Variants in XYLB observed in about 807,000 individuals in gnomAD.
XYLB encodes xylulose kinase.
In XYLB, 62 loss-of-function variants were observed where a neutral mutation model predicts 78.7. The ratio of observed to expected loss-of-function variants is 0.79; its 90% CI spans 0.64 to 0.97. The LOEUF is 0.97. Ranked by LOEUF, XYLB falls within the 50% of genes least tolerant of loss-of-function variation. The pLI is 0.00. For synonymous variants in XYLB, 245 were observed against 247.4 expected (o/e 0.99, Z 0.09); for missense variants, 687 against 676.8 (o/e 1.02, Z -0.17).
chr3:38,424,531 C>T (rs1006918482), downstream of XYLB, among the ~76,000 whole-genome samples: 7 of 152,106 alleles, frequency 4.6e-5, no homozygotes, highest in Admixed American at 6.6e-5. Context: ...TAAATTTAAA[C>T]GAATTGAAGG....
rs577157133 is a variant in XYLB at position 38,408,180 on chromosome 3, C to G, written c.1534-4756C>G. On this transcript the variant is annotated intron_variant, in intron 18 of 18. Transcript: ENST00000207870. ...GTAAAAGAACAGAAATTATAACAAA[C>G]TGTCTCTCAGACCACAGTGCAATCA... 7.9e-5 allele frequency among the ~76,000 whole-genome samples: 12 copies of G among 152,072 alleles called. No individual in the cohort carries two copies. The East Asian group carries it at 2.1e-3, about 27-fold the overall frequency.
chr3:38,362,082 C>T (rs1706006051), intron 3 of XYLB, among the ~76,000 whole-genome samples: 1 of 152,202 alleles, frequency 6.6e-6, no homozygotes, highest in African/African-American at 2.4e-5. Flanking sequence ...CTATCCACTC[C>T]CTCCAGCCTC....
intron 3 of XYLB, among the ~76,000 whole-genome samples, chr3:38,361,159 T>C (rs1185748415): frequency 6.6e-6 from 1 of 152,176 alleles, no homozygotes; most frequent in Admixed American, 6.5e-5. Context: ...CAGACTCATA[T>C]CAATGCCAAG....
chr3:38,435,183 G>A, the XYLB span, among the ~76,000 whole-genome samples: 1 of 152,120 alleles, frequency 6.6e-6, no homozygotes, highest in African/African-American at 2.4e-5. Flanking sequence ...TTGCTTACAG[G>A]AAATTCACCT....
At chr3:38,376,852 C>T in intron 13 of XYLB, 66 bp from the exon 14 acceptor site, 1 of 1,428,270 alleles carries the variant, frequency 7.0e-7, no homozygotes, top group East Asian at 2.3e-5. Context: ...TGTTCTAAGT[C>T]TGTTAAGAAG....
intron 15 of XYLB, among the ~76,000 whole-genome samples, chr3:38,394,110 T>C (rs1386256327): frequency 2.0e-5 from 3 of 152,204 alleles, no homozygotes; most frequent in African/African-American, 7.2e-5. Flanking sequence ...ATACATTAAT[T>C]GGAAAAGATT....
At chr3:38,439,460 T>C in the XYLB span, among the ~76,000 whole-genome samples, 1 of 152,100 alleles carries the variant, frequency 6.6e-6, no homozygotes, top group African/African-American at 2.4e-5. Flanking sequence ...CTCCAGAGGT[T>C]GGTATAAGAG....
chr3:38,375,973 A>C (rs902031900), intron 12 of XYLB, 144 bp from the exon 13 acceptor site: 5 of 667,296 alleles, frequency 7.5e-6, no homozygotes, highest in Non-Finnish European at 1.3e-5. Context: ...TCCGATACCT[A>C]AGTTTCAAAG....
At chr3:38,410,260 C>T (rs901837868) in intron 18 of XYLB, among the ~76,000 whole-genome samples, 20 of 152,164 alleles carry the variant, frequency 1.3e-4, no homozygotes, top group African/African-American at 4.6e-4. Context: ...CTTTGACAAA[C>T]CTGAGAAAAA....
Position 38,412,929 on chromosome 3 carries a change from C to T in XYLB, c.1534-7C>T. ...TCTGTTCTAAACTGCTTTTTCTGCC[C>T]TTCTAGGTCTACGAGGCCCTTCTCC... On this transcript the variant is annotated splice_polypyrimidine_tract_variant and splice_region_variant and intron_variant, in intron 18 of 18. Coordinates refer to ENST00000207870, the MANE Select transcript of XYLB (RefSeq NM_005108.4). The T allele has an allele frequency of 2.5e-6, 4 of 1,601,384 alleles. No individual in the cohort carries two copies. Among genetic ancestry groups the T allele is most frequent in the East Asian group, 2.3e-5 (1 of 43,564 alleles).
At chr3:38,398,746 T>C (rs13064938) in intron 17 of XYLB, among the ~76,000 whole-genome samples, 77,249 of 147,922 alleles carry the variant, frequency 0.52, 21,184 homozygotes, top group Non-Finnish European at 0.61. Context: ...ACATTTCGGT[T>C]GGGTGCAGTA....
the XYLB span, among the ~76,000 whole-genome samples, chr3:38,435,790 A>C: frequency 6.6e-6 from 1 of 152,208 alleles, no homozygotes; most frequent in Non-Finnish European, 1.5e-5. Context: ...TACCAAGAGG[A>C]ACTTTGGAAA....
intron 4 of XYLB, among the ~76,000 whole-genome samples, chr3:38,363,637 C>A (rs1405216997): frequency 6.6e-6 from 1 of 152,166 alleles, no homozygotes; most frequent in East Asian, 1.9e-4. Context: ...TTCTGGTGCC[C>A]CCGTATTCTC....
At chr3:38,420,809 G>A (rs545231872), downstream of XYLB, among the ~76,000 whole-genome samples, 1 of 152,018 alleles carries the variant, frequency 6.6e-6, no homozygotes, top group African/African-American at 2.4e-5. Context: ...AAATAAACTG[G>A]CCATAAACAG....
rs1042502262 is a variant in XYLB at position 38,346,795 on chromosome 3, G to T, written c.-74G>T. On this transcript the variant is annotated 5_prime_UTR_variant, in exon 1 of 19. Coordinates refer to ENST00000207870, the MANE Select transcript of XYLB (RefSeq NM_005108.4). ...GGGGCGGGCCCCTGCGTCTCTGGGC[G>T]CTGGAGCGCGGCGACTATCACGCCG... The T allele has an allele frequency of 1.4e-6, 2 of 1,417,516 alleles. No individual in the cohort carries two copies. The highest frequency in any genetic ancestry group is 6.0e-5 in the East Asian group (2 of 33,154). 87.8% of individuals were successfully genotyped at this position (1,417,516 alleles called of 1,614,324 possible). A position where few individuals can be genotyped will look rare whatever the true frequency, so the allele number is the denominator to read the frequency against.
intron 15 of XYLB, among the ~76,000 whole-genome samples, chr3:38,381,622 G>A (rs577718104): frequency 6.6e-5 from 10 of 152,314 alleles, no homozygotes; most frequent in African/African-American, 2.4e-4. Flanking sequence ...TGCGCCTGCG[G>A]GTAGGTCTCT....
Position 38,365,644 on chromosome 3 carries a change from G to C in XYLB, c.415G>C (p.Asp139His). The C allele has an allele frequency of 6.2e-7, 1 of 1,613,918 alleles. No homozygotes were observed. The highest frequency in any genetic ancestry group is 8.5e-7 in the Non-Finnish European group (1 of 1,179,906). The change falls in exon 6 of 19, where the codon GAC becomes CAC. Residue 139 changes from aspartate to histidine, a missense_variant. Transcript: ENST00000207870. ...FSISDCPVWMDSSTTAQCRQL... is the reference protein window; with the variant it reads ...FSISDCPVWMHSSTTAQCRQL... ...CATCAGCGACTGCCCGGTGTGGATG[G>C]ACTCCAGCACCACAGCCCAGTGCCG... is the stretch of plus-strand genomic sequence containing the variant.
intron 4 of XYLB, 28 bp downstream of exon 4, chr3:38,363,045 A>G: frequency 6.6e-7 from 1 of 1,509,752 alleles, no homozygotes; most frequent in Non-Finnish European, 8.9e-7. Flanking sequence ...TCTGTCTGCC[A>G]TGTGAGGGTG....
chr3:38,348,562 G>C lies in XYLB; in HGVS notation c.70G>C (p.Ala24Pro). 6.2e-7 allele frequency: 1 copy of C among 1,614,186 alleles called. No homozygotes were observed. The highest frequency in any genetic ancestry group is 8.5e-7 in the Non-Finnish European group (1 of 1,180,026). Reference protein sequence around the residue: ...DFSTQQVKVVAVDAELNVFYE... With the variant: ...DFSTQQVKVVPVDAELNVFYE... ...AAATGCCTTTCAGGTAAAGGTTGTT[G>C]CTGTTGATGCAGAGTTGAATGTCTT... is the stretch of plus-strand genomic sequence containing the variant. Residue 24 changes from alanine (A) to proline (P), a missense_variant, in exon 2 of 19, where the codon GCT becomes CCT. Ala to Pro is a conservative substitution (Grantham distance 27). Coordinates refer to ENST00000207870, the MANE Select transcript of XYLB (RefSeq NM_005108.4).
Sources: gnomAD v4.1 joint callset for allele counts (sites outside exome capture counted in the v4.1 genomes callset) on GRCh38, gnomAD v4.1.1 for gene constraint, MANE v1.5 for transcripts, NCBI Gene and HGNC (gene_info 2026-07-23, HGNC 2026-07-21) for gene names.